Variants in SLC2A6 observed in about 807,000 individuals in gnomAD.
SLC2A6 encodes solute carrier family 2 member 6.
Under a neutral mutation model 47.8 loss-of-function variants are expected in SLC2A6, and 39 were observed. The ratio of observed to expected loss-of-function variants is 0.82; its 90% CI spans 0.63 to 1.07. SLC2A6 has a LOEUF of 1.07. Ranked by LOEUF, SLC2A6 falls within the 50% of genes least tolerant of loss-of-function variation. SLC2A6 has a pLI of 0.00. For synonymous variants in SLC2A6, 346 were observed against 324.1 expected (o/e 1.07, Z -0.73); for missense variants, 650 against 707.6 (o/e 0.92, Z 0.92).
At chr9:133,478,548 G>A (rs1022236011) in intron 1 of SLC2A6, 132 bp from the exon 2 acceptor site, 7 of 980,280 alleles carry the variant, frequency 7.1e-6, no homozygotes, top group African/African-American at 3.3e-5. Flanking sequence ...GGCCATTCAC[G>A]TTCCCAGGGC....
At chr9:133,474,148 G>T in intron 6 of SLC2A6, 60 bp from the exon 7 acceptor site, 1 of 1,386,082 alleles carries the variant, frequency 7.2e-7, no homozygotes, top group South Asian at 1.3e-5. Context: ...CCCCCTCCAG[G>T]ACCCAGCTTG....
Position 133,472,125 on chromosome 9 carries a change from C to T in SLC2A6, c.1420G>A (p.Val474Met). Residue 474 changes from valine (V) to methionine (M), a missense_variant, in exon 10 of 10, where the codon GTG becomes ATG. Transcript: ENST00000371899. The part of the protein sequence containing the change: ...PFFFFAAICL[V>M]SLVFTGCCVP... ...CAGCAGCCTGTGAACACCAGGCTCA[C>T]CAAGCAGATGGCCGCGAAGAAGAAG... 6.2e-7 allele frequency: 1 copy of T among 1,613,484 alleles called. No individual in the cohort carries two copies. Among genetic ancestry groups the T allele is most frequent in the Non-Finnish European group, 8.5e-7 (1 of 1,179,938 alleles).
Position 133,473,492 on chromosome 9 carries a change from TC to T in SLC2A6, c.1144del (p.Asp382ThrfsTer75). 1.2e-6 allele frequency: 2 copies of T among 1,603,158 alleles called. No homozygotes were observed. The highest frequency in any genetic ancestry group is 1.7e-5 in the Admixed American group (1 of 58,824). Reference protein sequence around the residue: ...TAGLESESWGDLAQPLAAPAG... With the variant: ...TAGLESESWGXLAQPLAAPAG... ...GGGTGCTGCCAGGGGCTGCGCCAAGTCCCCCCAGGACTCGCTTTCCAGGCCC... is the reference window on the plus strand; with the variant it reads ...GGGTGCTGCCAGGGGCTGCGCCAAGTCCCCCAGGACTCGCTTTCCAGGCCC... On this transcript the variant is annotated frameshift_variant, in exon 8 of 10. Transcript: ENST00000371899. LOFTEE classifies it high-confidence loss of function.
At position 133,472,092 on chromosome 9, in the gene SLC2A6, C is replaced by T. The variant is rs143118362; in HGVS notation, c.1453G>A (p.Glu485Lys). ...SLVFTGCCVP[E>K]TKGRSLEQIE... ...TGCTCCAGGGACCGTCCCTTGGTCT[C>T]GGGCACACAGCAGCCTGTGAACACC... Residue 485 changes from glutamate (E) to lysine (K), a missense_variant, in exon 10 of 10, where the codon GAG becomes AAG. Coordinates refer to ENST00000371899, the MANE Select transcript of SLC2A6 (RefSeq NM_017585.4). The T allele has an allele frequency of 2.4e-5, 39 of 1,613,380 alleles. No individual in the cohort carries two copies. In the African/African-American group the frequency reaches 3.6e-4, roughly 15 times the overall value.
Position 133,475,630 on chromosome 9 carries a change from T to G in SLC2A6, c.563-19A>C, listed in dbSNP as rs587651580. 2,683 of 1,562,982 alleles carry G rather than the reference T, an allele frequency of 1.7e-3. 9 individuals carry two copies. Among genetic ancestry groups the G allele is most frequent in the Middle Eastern group, 0.014 (60 of 4,360 alleles). On this transcript the variant is annotated intron_variant, in intron 4 of 9. Transcript: ENST00000371899. The stretch of plus-strand genomic sequence containing the variant: ...AGGAGGCCTGGGGGCGAGGGGTGGG[T>G]GAGGGGCCAGGTCCAGGCCTGGTAC...
chr9:133,473,312 T>C (rs587677690), intron 8 of SLC2A6, 62 bp from the exon 9 acceptor site: 2 of 1,543,108 alleles, frequency 1.3e-6, no homozygotes, highest in Admixed American at 4.1e-5. Flanking sequence ...TGTGTCTGTC[T>C]CCGCTGAGCT....
Position 133,479,065 on chromosome 9 carries a change from G to T in SLC2A6, c.-6C>A, listed in dbSNP as rs1333026725. On this transcript the variant is annotated 5_prime_UTR_variant, in exon 1 of 10. Coordinates refer to ENST00000371899, the MANE Select transcript of SLC2A6 (RefSeq NM_017585.4). ...CCCAGCAGCGGCTCCTGCATGGCCG[G>T]GTCTCTCTCGGGGCGAGCGGAGGGC... 1.9e-6 allele frequency: 3 copies of T among 1,591,274 alleles called. No individual in the cohort carries two copies. The East Asian group carries it at 6.9e-5, about 37-fold the overall frequency.
chr9:133,477,306 C>T, intron 2 of SLC2A6, 65 bp from the exon 3 acceptor site: 1 of 1,484,976 alleles, frequency 6.7e-7, no homozygotes, highest in Non-Finnish European at 9.1e-7. Flanking sequence ...TCATCAGAGT[C>T]CAGGGACAGC....
chr9:133,473,063 A>C lies in SLC2A6; in HGVS notation c.1368+42T>G, dbSNP rs979787182. 2.6e-6 allele frequency: 4 copies of C among 1,565,270 alleles called. No individual in the cohort carries two copies. The African/African-American group carries it at 5.5e-5, about 22-fold the overall frequency. On this transcript the variant is annotated intron_variant, in intron 9 of 9. Transcript: ENST00000371899. ...GCACTGAGAAGGGTCCTGGCCAGTC[A>C]GAGAGGGCCTAGGGGCCTGGGGCCT... is the stretch of plus-strand genomic sequence containing the variant.
In SLC2A6 at chr9:133,472,195, GC is replaced by G. The variant is rs1564464533; in HGVS notation, c.1369-20del. On this transcript the variant is annotated intron_variant, in intron 9 of 9. Transcript: ENST00000371899. ...AGGTGCTCTGCGGGTGAAGAGCGGGGCCGGGTCACAGGGAGAAGCTCCAGGG... is the reference window on the plus strand; with the variant it reads ...AGGTGCTCTGCGGGTGAAGAGCGGGGCGGGTCACAGGGAGAAGCTCCAGGG... The G allele has an allele frequency of 2.5e-6, 4 of 1,610,816 alleles. No individual in the cohort carries two copies.
At chr9:133,475,685 C>T (rs1843919061) in intron 4 of SLC2A6, 74 bp from the exon 5 acceptor site, 2 of 1,307,710 alleles carry the variant, frequency 1.5e-6, no homozygotes, top group Non-Finnish European at 2.1e-6. Flanking sequence ...CTCTGAATAA[C>T]CTCATCTGCC....
chr9:133,472,459 TG>T (rs1253530974), intron 9 of SLC2A6, among the ~76,000 whole-genome samples: 1 of 151,724 alleles, frequency 6.6e-6, no homozygotes, highest in Non-Finnish European at 1.5e-5. Flanking sequence ...TACCCAGCGC[TG>T]GCATCCCAGC....
chr9:133,471,690 T>G lies in SLC2A6; in HGVS notation c.*331A>C, dbSNP rs1257396060. ...GTCCTCTCAGTCCTCCCCGTAGCCT[T>G]CTGTGGGGCGTGTCCTTCACGCAAG... is the stretch of plus-strand genomic sequence containing the variant. On this transcript the variant is annotated 3_prime_UTR_variant, in exon 10 of 10. Coordinates refer to ENST00000371899, the MANE Select transcript of SLC2A6 (RefSeq NM_017585.4). 3.9e-5 allele frequency: 10 copies of G among 257,268 alleles called. No individual in the cohort carries two copies. The highest frequency in any genetic ancestry group is 7.5e-5 in the Non-Finnish European group (10 of 133,730). 15.9% of individuals were successfully genotyped at this position (257,268 alleles called of 1,614,324 possible).
In SLC2A6 at chr9:133,473,564, A is replaced by G; in HGVS notation, c.1073T>C (p.Leu358Pro). The G allele has an allele frequency of 6.4e-7, 1 of 1,557,802 alleles. No homozygotes were observed. The highest frequency in any genetic ancestry group is 1.2e-5 in the South Asian group (1 of 82,182). Residue 358 changes from leucine to proline, a missense_variant, in exon 8 of 10, where the codon CTG becomes CCG. By Grantham distance (98) the Leu-to-Pro change is moderately conservative. Transcript: ENST00000371899. ...AGGCCTGGGGCCAAAGTGGATGTAC[A>G]GCCCCAGAGTCAGGTTGGCAGCAAA... ...IMFAANLTLGLYIHFGPRPLS... is the reference protein window; with the variant it reads ...IMFAANLTLGPYIHFGPRPLS...
At chr9:133,473,946 A>G in intron 7 of SLC2A6, 34 bp downstream of exon 7, 1 of 1,503,090 alleles carries the variant, frequency 6.7e-7, no homozygotes, top group Non-Finnish European at 9.1e-7. Flanking sequence ...CATGCGGAGG[A>G]GTGGGGCAGG....
In SLC2A6 at chr9:133,475,739, CCT is replaced by C. The variant is rs1471737015; in HGVS notation, c.563-130_563-129del. ...GGGCCATCTCCTACAGGAAGCCTAC[CCT>C]GATTGCCCCAGGCAGGGTGGGGCTG... On this transcript the variant is annotated intron_variant, in intron 4 of 9. Transcript: ENST00000371899. 5 of 838,470 alleles carry C rather than the reference CCT, an allele frequency of 6.0e-6. No homozygotes were observed. The Admixed American group carries it at 1.4e-4, about 24-fold the overall frequency. The allele number at this position is 838,470 out of a possible 1,614,324, so 51.9% of individuals were successfully genotyped here.
rs1843728797 is a variant in SLC2A6 at position 133,471,867 on chromosome 9, G to A, written c.*154C>T. 4.6e-6 allele frequency: 4 copies of A among 871,222 alleles called. No individual in the cohort carries two copies. Among genetic ancestry groups the A allele is most frequent in the African/African-American group, 1.7e-5 (1 of 58,956 alleles). 54.0% of individuals were successfully genotyped at this position (871,222 alleles called of 1,614,324 possible). ...GCAGTGCTACCTGTCCCGAGCCAGG[G>A]GCACCCGCTGCTGAGGCCCCATCAC... On this transcript the variant is annotated 3_prime_UTR_variant, in exon 10 of 10. Coordinates refer to ENST00000371899, the MANE Select transcript of SLC2A6 (RefSeq NM_017585.4).
intron 6 of SLC2A6, 126 bp from the exon 7 acceptor site, chr9:133,474,214 C>T (rs1460385402): frequency 1.5e-6 from 1 of 667,434 alleles, no homozygotes; most frequent in African/African-American, 1.8e-5. Flanking sequence ...ACTGAGTGGC[C>T]TGGCACCTGC....
At position 133,475,403 on chromosome 9, in the gene SLC2A6, T is replaced by C; in HGVS notation, c.771A>G (p.Arg257=). ...EFEQIQDNVR[R]QSSRVSWAEA... ...TCGGGCGCACACCCTCCTGCACCTG[T>C]CTCCGGACGTTGTCCTGGATCTGCT... Residue 257 remains arginine, a synonymous_variant, in exon 5 of 10, where the codon AGA becomes AGG. Transcript: ENST00000371899. 6.3e-7 allele frequency: 1 copy of C among 1,598,086 alleles called. No homozygotes were observed. The highest frequency in any genetic ancestry group is 8.5e-7 in the Non-Finnish European group (1 of 1,170,718).
Sources: allele counts gnomAD v4.1 joint callset (sites outside exome capture counted in the v4.1 genomes callset), GRCh38; gene constraint gnomAD v4.1.1; transcripts MANE v1.5; gene names NCBI Gene and HGNC (gene_info 2026-07-23, HGNC 2026-07-21).